The following OR9Q1 variants were observed in gnomAD, a reference collection of about 807,000 sequenced individuals.
OR9Q1 encodes the protein olfactory receptor 9Q1.
For missense variants in OR9Q1, 374 were observed against 378.8 expected (o/e 0.99, Z 0.11); for synonymous variants, 153 against 148.6 (o/e 1.03, Z -0.22).
intron 2 of OR9Q1, among the ~76,000 whole-genome samples, chr11:58,164,467 A>T (rs1318388113): frequency 6.6e-6 from 1 of 152,174 alleles, no homozygotes; most frequent in Non-Finnish European, 1.5e-5. Flanking sequence ...TCAGTGAAAG[A>T]GCAGGGGTCA....
intron 1 of OR9Q1, among the ~76,000 whole-genome samples, chr11:58,050,141 T>A: frequency 1.4e-5 from 1 of 72,536 alleles, no homozygotes; most frequent in Non-Finnish European, 3.0e-5. Context: ...CATCGCCAAG[T>A]CAATCCTAAG....
At chr11:58,076,009 C>T (rs1853535660) in intron 2 of OR9Q1, among the ~76,000 whole-genome samples, 3 of 152,160 alleles carry the variant, frequency 2.0e-5, no homozygotes, top group Non-Finnish European at 1.5e-5. Flanking sequence ...AATACAGTCA[C>T]ACTCGTTTGT....
At chr11:58,158,333 C>T (rs898759822) in intron 2 of OR9Q1, among the ~76,000 whole-genome samples, 8 of 151,620 alleles carry the variant, frequency 5.3e-5, no homozygotes, top group African/African-American at 1.7e-4. Flanking sequence ...CTTGGGTCAA[C>T]AGGCCAGCCA....
intron 2 of OR9Q1, among the ~76,000 whole-genome samples, chr11:58,164,039 C>T (rs982810583): frequency 6.6e-6 from 1 of 152,152 alleles, no homozygotes; most frequent in Admixed American, 6.5e-5. Flanking sequence ...GAGACCCACA[C>T]TGGCCACGGA....
rs1854005735 is a variant in OR9Q1, at chr11:58,119,587, GAA to G, written c.-14-59842_-14-59841del. 4 of 594,362 alleles carry G rather than the reference GAA, an allele frequency of 6.7e-6. No homozygotes were observed. The East Asian group carries it at 1.1e-4, about 17-fold the overall frequency. The allele number at this position is 594,362 out of a possible 1,614,324, so 36.8% of individuals were successfully genotyped here. A position where few individuals can be genotyped will look rare whatever the true frequency, so the allele number is the denominator to read the frequency against. On this transcript the variant is annotated intron_variant, in intron 2 of 2. Transcript: ENST00000335397. ...GTAGAGTTTGTTTTTAAGAAATTCT[GAA>G]ACTGGCTGATTTTCCTTGGGCATCT...
chr11:58,155,752 AG>A (rs1339942869), intron 2 of OR9Q1, among the ~76,000 whole-genome samples: 1 of 152,204 alleles, frequency 6.6e-6, no homozygotes, highest in African/African-American at 2.4e-5. Context: ...CTGCTTTCCA[AG>A]GATGTTGGGA....
intron 1 of OR9Q1, among the ~76,000 whole-genome samples, chr11:58,028,884 A>G (rs79190495): frequency 0.026 from 4,022 of 152,350 alleles, 72 homozygotes; most frequent in East Asian, 0.06. Context: ...TGAAGCCAGA[A>G]GGAACTTGCT....
intron 2 of OR9Q1, chr11:58,109,373 G>A (rs751630896): frequency 2.8e-5 from 13 of 458,708 alleles, no homozygotes; most frequent in East Asian, 6.9e-5. Context: ...TGCACAGCAC[G>A]GCAGCCATAG....
At position 58,038,357 on chromosome 11, in the gene OR9Q1, T is replaced by G. The variant is rs537712263; in HGVS notation, c.-93+14253T>G. Reference sequence around the variant, plus strand: ...ACAATCATGTTGTAGGAAATGCACATTTTTGTAAATAGGGAGTTTCTAAAA... The same window carrying G: ...ACAATCATGTTGTAGGAAATGCACAGTTTTGTAAATAGGGAGTTTCTAAAA... On this transcript the variant is annotated intron_variant, in intron 1 of 2. Coordinates refer to ENST00000335397, the MANE Select transcript of OR9Q1 (RefSeq NM_001005212.4). Among the ~76,000 whole-genome samples the G allele has an allele frequency of 2.6e-5, 4 of 152,318 alleles. No homozygotes were observed. The South Asian group carries it at 6.2e-4, about 24-fold the overall frequency.
intron 2 of OR9Q1, among the ~76,000 whole-genome samples, chr11:58,157,328 T>C (rs1029922597): frequency 3.3e-5 from 5 of 152,192 alleles, no homozygotes; most frequent in Non-Finnish European, 7.3e-5. Context: ...GAACCTCTTA[T>C]TATTGCTCGT....
intron 2 of OR9Q1, among the ~76,000 whole-genome samples, chr11:58,109,853 A>T (rs1853882366): frequency 6.6e-6 from 1 of 152,048 alleles, no homozygotes; most frequent in Non-Finnish European, 1.5e-5. Flanking sequence ...TCTGCATCCC[A>T]CCTGAAATTG....
Position 58,179,693 on chromosome 11 carries a change from A to T in OR9Q1, c.249A>T (p.Ala83=). ...YSSITVPQML[A]VLLEHGAALS... ...CTATCACTGTCCCCCAGATGCTGGCAGTGCTGCTGGAGCATGGGGCAGCTT... is the reference window on the plus strand; with the variant it reads ...CTATCACTGTCCCCCAGATGCTGGCTGTGCTGCTGGAGCATGGGGCAGCTT... The change falls in exon 3 of 3, where the codon GCA becomes GCT. Residue 83 remains alanine, a synonymous_variant. Transcript: ENST00000335397. 6.2e-7 allele frequency: 1 copy of T among 1,614,132 alleles called. No individual in the cohort carries two copies. The highest frequency in any genetic ancestry group is 8.5e-7 in the Non-Finnish European group (1 of 1,179,992).
At chr11:58,030,821 A>G (rs1853024579) in intron 1 of OR9Q1, 2 of 663,542 alleles carry the variant, frequency 3.0e-6, no homozygotes, top group South Asian at 3.7e-5. Flanking sequence ...GAGGGTAAGA[A>G]CAGTGTGTTG....
chr11:58,138,674 ATATT>A (rs1239600481), intron 2 of OR9Q1, among the ~76,000 whole-genome samples: 2 of 152,224 alleles, frequency 1.3e-5, no homozygotes, highest in African/African-American at 2.4e-5. Flanking sequence ...AAACTTGTAT[ATATT>A]TATGCAGTAC....
chr11:58,150,763 C>T (rs771164313), intron 2 of OR9Q1, among the ~76,000 whole-genome samples: 22 of 152,272 alleles, frequency 1.4e-4, no homozygotes, highest in South Asian at 4.1e-4. Flanking sequence ...TACTAGTTTA[C>T]GTAGTTAATA....
intron 2 of OR9Q1, among the ~76,000 whole-genome samples, chr11:58,089,150 T>C (rs1443346960): frequency 2.6e-5 from 4 of 151,874 alleles, no homozygotes; most frequent in African/African-American, 9.7e-5. Flanking sequence ...AGTGTTGGGA[T>C]TACAAGCGTG....
intron 2 of OR9Q1, among the ~76,000 whole-genome samples, chr11:58,173,448 C>G (rs960483089): frequency 6.6e-6 from 1 of 151,666 alleles, no homozygotes; most frequent in African/African-American, 2.4e-5. Flanking sequence ...CATCCATGTC[C>G]CTACAAAGGA....
At chr11:58,036,104 AATG>A (rs922059280) in intron 1 of OR9Q1, among the ~76,000 whole-genome samples, 7 of 152,148 alleles carry the variant, frequency 4.6e-5, no homozygotes, top group Admixed American at 2.6e-4. Context: ...TATGTGTCAT[AATG>A]ATCTATGAGT....
chr11:58,160,393 A>G (rs1854445839), intron 2 of OR9Q1, among the ~76,000 whole-genome samples: 1 of 152,200 alleles, frequency 6.6e-6, no homozygotes, highest in South Asian at 2.1e-4. Flanking sequence ...AGGAAAAAGT[A>G]AGTCTAAGAT....
Sources: allele counts gnomAD v4.1 joint callset (sites outside exome capture counted in the v4.1 genomes callset), GRCh38; gene constraint gnomAD v4.1.1; transcripts MANE v1.5; gene names NCBI Gene and HGNC (gene_info 2026-07-23, HGNC 2026-07-21).